DGKB: variants seen among roughly 807,000 people sequenced by gnomAD.
DGKB encodes 90 kDa diacylglycerol kinase.
In DGKB, 67 loss-of-function variants were observed where a neutral mutation model predicts 114.3. The observed-to-expected ratio is 0.59, with a 90% CI of 0.48 to 0.72. The LOEUF (loss-of-function observed/expected upper bound fraction) is 0.72, where lower values mean the gene tolerates loss of function less well. DGKB is among the 30% of genes least tolerant of loss of function. The pLI is 0.00. For synonymous variants in DGKB, 398 were observed against 323.1 expected, an observed-to-expected ratio of 1.23 and a Z score of -2.49; for missense variants, 907 against 975.2, an observed-to-expected ratio of 0.93 and a Z score of 0.93.
chr7:14,689,015 C>T (rs932403461), intron 9 of DGKB, among the ~76,000 whole-genome samples: 5 of 151,804 alleles, frequency 3.3e-5, no homozygotes, highest in African/African-American at 1.2e-4. Context: ...TGTCCTAACC[C>T]ACATGCTTCT....
At chr7:14,349,071 T>A (rs775882888) in intron 21 of DGKB, among the ~76,000 whole-genome samples, 4 of 152,052 alleles carry the variant, frequency 2.6e-5, no homozygotes, top group Non-Finnish European at 5.9e-5. Context: ...AAAAATGGGC[T>A]GGAGTGTTGA....
intron 23 of DGKB, among the ~76,000 whole-genome samples, chr7:14,290,994 T>C (rs1230229290): frequency 1.3e-5 from 2 of 151,608 alleles, no homozygotes; most frequent in African/African-American, 4.8e-5. Flanking sequence ...ATACAAAAAT[T>C]AGCCAGGTGT....
At chr7:14,414,387 T>A (rs2128750128) in intron 21 of DGKB, among the ~76,000 whole-genome samples, 1 of 152,278 alleles carries the variant, frequency 6.6e-6, no homozygotes, top group African/African-American at 2.4e-5. Flanking sequence ...GTTATTTCAA[T>A]ATTATATGAC....
At chr7:14,502,984 G>A (rs915516907) in intron 20 of DGKB, among the ~76,000 whole-genome samples, 25 of 152,030 alleles carry the variant, frequency 1.6e-4, no homozygotes, top group African/African-American at 5.8e-4. Flanking sequence ...AGAACCACTA[G>A]ACAGCTTAAC....
At chr7:14,343,148 C>T (rs942703788) in intron 22 of DGKB, among the ~76,000 whole-genome samples, 20 of 122,454 alleles carry the variant, frequency 1.6e-4, no homozygotes, top group Non-Finnish European at 3.1e-4. Context: ...GCAGATTTTG[C>T]CTAGCTATCC....
intron 25 of DGKB, among the ~76,000 whole-genome samples, chr7:14,149,713 C>A (rs1387217370): frequency 6.6e-6 from 1 of 152,108 alleles, no homozygotes; most frequent in Non-Finnish European, 1.5e-5. Context: ...TTGTTTCTCT[C>A]TTTCAACATG....
chr7:14,632,370 C>T (rs1809888865), intron 13 of DGKB, among the ~76,000 whole-genome samples: 2 of 151,494 alleles, frequency 1.3e-5, no homozygotes, highest in African/African-American at 4.8e-5. Context: ...GTGCAGCTTA[C>T]TTTCAAAAGC....
intron 23 of DGKB, among the ~76,000 whole-genome samples, chr7:14,203,360 A>C (rs1199533936): frequency 6.6e-6 from 1 of 151,896 alleles, no homozygotes; most frequent in Non-Finnish European, 1.5e-5. Context: ...TTAAAGATGG[A>C]TATATATTTT....
At chr7:14,939,161 T>G (rs1316809586) in intron 1 of DGKB, among the ~76,000 whole-genome samples, 3 of 152,194 alleles carry the variant, frequency 2.0e-5, no homozygotes, top group Non-Finnish European at 4.4e-5. Context: ...AGGCTTTGCA[T>G]TAGTACTTTG....
At chr7:14,334,490 T>C (rs1041774889) in intron 23 of DGKB, among the ~76,000 whole-genome samples, 2 of 152,024 alleles carry the variant, frequency 1.3e-5, no homozygotes, top group Non-Finnish European at 2.9e-5. Flanking sequence ...GAGAAGTTGT[T>C]TTTGTCTGGT....
intron 12 of DGKB, among the ~76,000 whole-genome samples, chr7:14,680,247 T>A (rs1357861): frequency 6.6e-6 from 1 of 151,586 alleles, no homozygotes; most frequent in Non-Finnish European, 1.5e-5. Flanking sequence ...AATTTTGAAC[T>A]TGGGGATTTA....
In DGKB at chr7:14,734,958, G is replaced by A. The variant is rs151264980; in HGVS notation, c.322+1083C>T. Among the ~76,000 whole-genome samples the A allele has an allele frequency of 4.9e-3, 746 of 152,238 alleles. 5 individuals carry two copies. Among genetic ancestry groups the A allele is most frequent in the African/African-American group, 0.017 (704 of 41,530 alleles). On this transcript the variant is annotated intron_variant, in intron 5 of 25. Transcript: ENST00000402815. ...GGCACAGGGGTTGGGGCGGTGGGGT[G>A]GGGAGTCGCGGGAGAAGGGGCTGGA...
At chr7:14,443,302 TCAATCAGACACCATTAATTTATTCAGC>T (rs371530104) in intron 21 of DGKB, among the ~76,000 whole-genome samples, 27 of 152,260 alleles carry the variant, frequency 1.8e-4, no homozygotes, top group African/African-American at 6.5e-4. Context: ...TGTTGACCTC[TCAATCAGACACCATTAATTTATTCAGC>T]CAATTTATTT....
At chr7:14,873,453 G>C (rs763350263) in intron 1 of DGKB, among the ~76,000 whole-genome samples, 6 of 151,986 alleles carry the variant, frequency 3.9e-5, no homozygotes, top group Non-Finnish European at 8.8e-5. Context: ...TATAAGGCAG[G>C]AAGATAATAA....
chr7:14,671,166 G>C (rs1256497993), intron 13 of DGKB, among the ~76,000 whole-genome samples: 5 of 152,122 alleles, frequency 3.3e-5, no homozygotes, highest in African/African-American at 4.8e-5. Flanking sequence ...AATACTAAGA[G>C]AGGAATGCCA....
At chr7:14,258,107 A>T (rs569131468) in intron 23 of DGKB, among the ~76,000 whole-genome samples, 4 of 152,238 alleles carry the variant, frequency 2.6e-5, no homozygotes, top group Non-Finnish European at 4.4e-5. Flanking sequence ...TAATAAAATG[A>T]GTAAAAGTTG....
chr7:14,510,553 G>A (rs1305917677), intron 20 of DGKB, among the ~76,000 whole-genome samples: 6 of 151,876 alleles, frequency 4.0e-5, no homozygotes, highest in Non-Finnish European at 8.8e-5. Context: ...CTGAAGTCTT[G>A]AGCCCCTCAG....
At chr7:14,943,228 A>G (rs1232602210) in intron 1 of DGKB, among the ~76,000 whole-genome samples, 4 of 152,004 alleles carry the variant, frequency 2.6e-5, no homozygotes, top group African/African-American at 4.8e-5. Context: ...AATATTACAC[A>G]TTACTAAAGT....
intron 23 of DGKB, among the ~76,000 whole-genome samples, chr7:14,327,887 A>G (rs1284582226): frequency 1.3e-5 from 2 of 152,302 alleles, no homozygotes; most frequent in Middle Eastern, 6.8e-3. Context: ...AGAGAAATGT[A>G]TAAGTAGCAT....
Sources: gnomAD v4.1 joint callset for allele counts (sites outside exome capture counted in the v4.1 genomes callset) on GRCh38, gnomAD v4.1.1 for gene constraint, MANE v1.5 for transcripts, NCBI Gene and HGNC (gene_info 2026-07-23, HGNC 2026-07-21) for gene names.